Variants in FAM107B observed in about 807,000 individuals in gnomAD.
FAM107B encodes the protein family with sequence similarity 107 member B.
Under a neutral mutation model 31.5 loss-of-function variants are expected in FAM107B, and 21 were observed. The ratio of observed to expected loss-of-function variants is 0.67; its 90% confidence interval spans 0.47 to 0.96. The LOEUF is 0.96. FAM107B is among the 40% of genes least tolerant of loss of function. The pLI is 0.00. For missense variants in FAM107B, 452 were observed against 377.1 expected (o/e 1.20, Z -1.64); for synonymous variants, 157 against 141.5 (o/e 1.11, Z -0.78).
chr10:14,700,353 G>A (rs1855366844), intron 1 of FAM107B, among the ~76,000 whole-genome samples: 1 of 152,234 alleles, frequency 6.6e-6, no homozygotes, highest in South Asian at 2.1e-4. Context: ...CCCCTGGGCA[G>A]GAGAACTATT....
intron 2 of FAM107B, among the ~76,000 whole-genome samples, chr10:14,645,141 A>T (rs1853721186): frequency 6.6e-6 from 1 of 152,170 alleles, no homozygotes; most frequent in Non-Finnish European, 1.5e-5. Flanking sequence ...CTGAGGAACC[A>T]CTTAGTTACA....
chr10:14,565,054 T>TA (rs928245950), intron 2 of FAM107B, among the ~76,000 whole-genome samples: 1 of 152,188 alleles, frequency 6.6e-6, no homozygotes, highest in Non-Finnish European at 1.5e-5. Context: ...ACCCTGTCTC[T>TA]AAAAAATCAA....
chr10:14,631,260 G>C (rs1398306405), intron 2 of FAM107B, among the ~76,000 whole-genome samples: 1 of 152,060 alleles, frequency 6.6e-6, no homozygotes, highest in Non-Finnish European at 1.5e-5. Flanking sequence ...CCCCTTCCTA[G>C]TTTACTCCTC....
chr10:14,609,613 A>G (rs1259134311), intron 2 of FAM107B, among the ~76,000 whole-genome samples: 1 of 152,192 alleles, frequency 6.6e-6, no homozygotes, highest in Non-Finnish European at 1.5e-5. Context: ...TAAAGTGCTC[A>G]TGTGATTAGG....
chr10:14,564,966 T>C (rs974039005), intron 2 of FAM107B, among the ~76,000 whole-genome samples: 2 of 152,164 alleles, frequency 1.3e-5, no homozygotes, highest in African/African-American at 4.8e-5. Flanking sequence ...ATGCCTGTAA[T>C]CCCAGCTACT....
intron 1 of FAM107B, among the ~76,000 whole-genome samples, chr10:14,699,651 A>G (rs1234427511): frequency 1.3e-5 from 2 of 152,222 alleles, no homozygotes; most frequent in Admixed American, 1.3e-4. Context: ...TCTTCCAGGA[A>G]CACCCTCACA....
intron 2 of FAM107B, among the ~76,000 whole-genome samples, chr10:14,551,589 CTTTTT>C (rs35049608): frequency 1.7e-4 from 24 of 143,966 alleles, no homozygotes; most frequent in African/African-American, 6.1e-4. Flanking sequence ...CACTATTTTC[CTTTTT>C]TTTTTTTTAA....
At chr10:14,684,647 G>A (rs1198331774) in intron 1 of FAM107B, among the ~76,000 whole-genome samples, 1 of 152,064 alleles carries the variant, frequency 6.6e-6, no homozygotes. Flanking sequence ...TAAATACATT[G>A]TGAATGATAG....
At chr10:14,603,719 G>C (rs527882584) in intron 2 of FAM107B, among the ~76,000 whole-genome samples, 1 of 152,272 alleles carries the variant, frequency 6.6e-6, no homozygotes, top group Admixed American at 6.5e-5. Context: ...AGAGGCAAAA[G>C]AGGAAAAGTT....
chr10:14,694,666 G>C (rs769383422), intron 1 of FAM107B, among the ~76,000 whole-genome samples: 2 of 152,170 alleles, frequency 1.3e-5, no homozygotes, highest in African/African-American at 4.8e-5. Context: ...TTACAGGCGC[G>C]GGACACCGTG....
intron 1 of FAM107B, among the ~76,000 whole-genome samples, chr10:14,692,987 G>T (rs184157846): frequency 1.1e-4 from 16 of 152,166 alleles, no homozygotes; most frequent in Admixed American, 3.3e-4. Context: ...TGCAAAAATC[G>T]CAGTGATGCG....
chr10:14,640,921 G>A (rs1853611861), intron 2 of FAM107B, among the ~76,000 whole-genome samples: 1 of 152,106 alleles, frequency 6.6e-6, no homozygotes, highest in African/African-American at 2.4e-5. Flanking sequence ...TTGCTTTAAA[G>A]AAGTTTTAAT....
In FAM107B at chr10:14,629,407, TTA is replaced by T. The variant is rs1853274208; in HGVS notation, c.469+38225_469+38226del. Among the ~76,000 whole-genome samples, 18 of 21,816 alleles carry T rather than the reference TTA, an allele frequency of 8.3e-4. 2 individuals are homozygous for T. The Admixed American group carries it at 8.5e-3, about 10-fold the overall frequency. The allele number at this position is 21,816 out of a possible 152,430, so 14.3% of individuals were successfully genotyped here. ...AATATATATAATATATATTATATAT[TTA>T]ATATATATAATATATATAATATATA... is the stretch of plus-strand genomic sequence containing the variant. On this transcript the variant is annotated intron_variant, in intron 2 of 4. Transcript: ENST00000181796.
chr10:14,625,512 T>C (rs1168066785), intron 2 of FAM107B, among the ~76,000 whole-genome samples: 1 of 152,138 alleles, frequency 6.6e-6, no homozygotes, highest in East Asian at 1.9e-4. Context: ...CTGGCTGCTC[T>C]GCAGGGAGCT....
At chr10:14,567,236 A>C (rs542030613) in intron 2 of FAM107B, among the ~76,000 whole-genome samples, 1 of 152,312 alleles carries the variant, frequency 6.6e-6, no homozygotes, top group South Asian at 2.1e-4. Flanking sequence ...TAGAGAATAA[A>C]TAAGATTCCT....
At chr10:14,587,076 G>C (rs1210804706) in intron 2 of FAM107B, among the ~76,000 whole-genome samples, 3 of 152,270 alleles carry the variant, frequency 2.0e-5, no homozygotes, top group Middle Eastern at 3.4e-3. Flanking sequence ...ACTAACCTCT[G>C]TTCACACCTG....
chr10:14,599,234 C>CT lies in FAM107B; in HGVS notation c.469+68399_469+68400insA, dbSNP rs948383039. ...AGGGTTGCTGGGGCTCAGTGTCCCCCCCCACTTCAAGACTTCTAAGTCTCC... is the reference window on the plus strand; with the variant it reads ...AGGGTTGCTGGGGCTCAGTGTCCCCCTCCCACTTCAAGACTTCTAAGTCTCC... On this transcript the variant is annotated intron_variant, in intron 2 of 4. Coordinates refer to ENST00000181796, the MANE Select transcript of FAM107B (RefSeq NM_031453.4). Among the ~76,000 whole-genome samples, 89 of 152,228 alleles carry CT rather than the reference C, an allele frequency of 5.8e-4. 1 individual carries two copies. The highest frequency in any genetic ancestry group is 3.4e-3 in the Middle Eastern group (1 of 294).
chr10:14,721,517 G>A (rs1177199767), intron 1 of FAM107B, among the ~76,000 whole-genome samples: 1 of 152,146 alleles, frequency 6.6e-6, no homozygotes, highest in African/African-American at 2.4e-5. Context: ...GTTGTTTCCT[G>A]ACTTTTTAAT....
In FAM107B at chr10:14,540,530, C is replaced by T. The variant is rs370041709; in HGVS notation, c.470-10015G>A. ...TGATGCGAAGGCAGCCCCTGGACCA[C>T]CCTCCCTCTGTCCTCCCCCTGTTCT... is the stretch of plus-strand genomic sequence containing the variant. On this transcript the variant is annotated intron_variant, in intron 2 of 4. Coordinates refer to ENST00000181796, the MANE Select transcript of FAM107B (RefSeq NM_031453.4). 2.0e-5 allele frequency among the ~76,000 whole-genome samples: 3 copies of T among 152,174 alleles called. No homozygotes were observed. In the East Asian group the frequency reaches 5.8e-4, roughly 29 times the overall value.
Sources: gnomAD v4.1 joint callset for allele counts (sites outside exome capture counted in the v4.1 genomes callset) on GRCh38, gnomAD v4.1.1 for gene constraint, MANE v1.5 for transcripts, NCBI Gene and HGNC (gene_info 2026-07-23, HGNC 2026-07-21) for gene names.